The following E2F1 variants were observed in gnomAD, a reference collection of about 807,000 sequenced individuals.
The protein encoded by E2F1 is E2F transcription factor 1, also known as transcription factor E2F1.
In E2F1, 7 loss-of-function variants were observed where a neutral mutation model predicts 36.9. The observed-to-expected ratio is 0.19, with a 90% CI of 0.11 to 0.36. The LOEUF (loss-of-function observed/expected upper bound fraction) is 0.36. Among genes scored for constraint, E2F1 ranks in the 10% least tolerant of loss-of-function variants. The pLI is 1.00. For synonymous variants in E2F1, 261 were observed against 263.1 expected, an observed-to-expected ratio of 0.99 and a Z score of 0.08; for missense variants, 406 against 573.6, an observed-to-expected ratio of 0.71 and a Z score of 2.99.
In E2F1 at chr20:33,676,489, C is replaced by T; in HGVS notation, c.*243G>A. The stretch of plus-strand genomic sequence containing the variant: ...ACACACATGCTCACACACATTCACC[C>T]CCGGTACACACGTGTGGGTGTAGGC... On this transcript the variant is annotated 3_prime_UTR_variant, in exon 7 of 7. Coordinates refer to ENST00000343380, the MANE Select transcript of E2F1 (RefSeq NM_005225.3). 2.0e-6 allele frequency: 1 copy of T among 512,242 alleles called. No individual in the cohort carries two copies. The highest frequency in any genetic ancestry group is 3.3e-5 in the East Asian group (1 of 30,382). 31.7% of individuals were successfully genotyped at this position (512,242 alleles called of 1,614,324 possible).
At chr20:33,678,864 C>G (rs1485020109) in intron 3 of E2F1, among the ~76,000 whole-genome samples, 1 of 152,054 alleles carries the variant, frequency 6.6e-6, no homozygotes, top group African/African-American at 2.4e-5. Context: ...GAGCTTGAGC[C>G]CAGGAGGTTG....
At position 33,679,835 on chromosome 20, in the gene E2F1, C is replaced by T. The variant is rs201315516; in HGVS notation, c.492G>A (p.Lys164=). Reference sequence around the variant, plus strand: ...CGTTGGTGATGTCATAGATGCGCCGCTTCTGCACCTTCAGCACCTCGGCAG... The same window carrying T: ...CGTTGGTGATGTCATAGATGCGCCGTTTCTGCACCTTCAGCACCTCGGCAG... ...NWAAEVLKVQ[K]RRIYDITNVL... Residue 164 remains lysine, a synonymous_variant, in exon 3 of 7, where the codon AAG becomes AAA. Transcript: ENST00000343380. The surrounding 1 kb of genome is among the most constrained non-coding windows in gnomAD (Gnocchi z 4.6). 4 of 1,614,248 alleles carry T rather than the reference C, an allele frequency of 2.5e-6. No individual in the cohort carries two copies. Among genetic ancestry groups the T allele is most frequent in the Admixed American group, 3.3e-5 (2 of 60,026 alleles).
chr20:33,679,657 T>C lies in E2F1; in HGVS notation c.572+98A>G. On this transcript the variant is annotated intron_variant, in intron 3 of 6. Coordinates refer to ENST00000343380, the MANE Select transcript of E2F1 (RefSeq NM_005225.3). The surrounding 1 kb of genome is among the most constrained non-coding windows in gnomAD (Gnocchi z 4.6). ...CTCTCTGAGCCCGTTTCCCCAGCTA[T>C]AAGATGGGGATGCAGGCAGCCACAG... 5 of 1,112,206 alleles carry C rather than the reference T, an allele frequency of 4.5e-6. No individual in the cohort carries two copies. In the South Asian group the frequency reaches 5.1e-5, roughly 11 times the overall value. The allele number at this position is 1,112,206 out of a possible 1,614,324, so 68.9% of individuals were successfully genotyped here. A position where few individuals can be genotyped will look rare whatever the true frequency, so the allele number is the denominator to read the frequency against.
Position 33,678,358 on chromosome 20 carries a change from G to C in E2F1, c.573-5C>G, listed in dbSNP as rs371030754. ...CCCACTGTGGTGTGGCTGCCCCTGT[G>C]GGGAGGCACCAGGGAGGGTAGGGTT... On this transcript the variant is annotated splice_region_variant and splice_polypyrimidine_tract_variant and intron_variant, in intron 3 of 6. Transcript: ENST00000343380. The C allele has an allele frequency of 6.8e-6, 11 of 1,611,622 alleles. No individual in the cohort carries two copies. Among genetic ancestry groups the C allele is most frequent in the African/African-American group, 6.7e-5 (5 of 74,882 alleles).
chr20:33,677,700 T>C (rs1344133015), intron 4 of E2F1, among the ~76,000 whole-genome samples, 160 bp from the exon 5 acceptor site: 2 of 152,180 alleles, frequency 1.3e-5, no homozygotes, highest in African/African-American at 4.8e-5. Flanking sequence ...TCCACATCTG[T>C]ATAATGAAAT....
Position 33,685,995 on chromosome 20 carries a change from G to A in E2F1, c.261+9C>T, listed in dbSNP as rs1272359745. ...GGCGCTGTCGGCGCGGCGTCCCTGG[G>A]GTCCGTACCGGCGGGCGGCCGAGCG... On this transcript the variant is annotated intron_variant, in intron 1 of 6. Transcript: ENST00000343380. The A allele has an allele frequency of 9.7e-6, 11 of 1,130,196 alleles. No homozygotes were observed. The South Asian group carries it at 4.3e-4, about 44-fold the overall frequency. 70.0% of individuals were successfully genotyped at this position (1,130,196 alleles called of 1,614,324 possible).
Position 33,679,721 on chromosome 20 carries a change from G to C in E2F1, c.572+34C>G, listed in dbSNP as rs777413332. On this transcript the variant is annotated intron_variant, in intron 3 of 6. Coordinates refer to ENST00000343380, the MANE Select transcript of E2F1 (RefSeq NM_005225.3). The surrounding 1 kb of genome is among the most constrained non-coding windows in gnomAD (Gnocchi z 4.6). ...CAGCTCCTCCAGGCTGGCATGGGCA[G>C]GTGTGCCTGCCCTCCTGTGTGGCCG... 4 of 1,602,210 alleles carry C rather than the reference G, an allele frequency of 2.5e-6. No homozygotes were observed. In the East Asian group the frequency reaches 6.7e-5, roughly 27 times the overall value.
Position 33,678,254 on chromosome 20 carries a change from C to T in E2F1, c.672G>A (p.Met224Ile), listed in dbSNP as rs199745489. 102 of 1,613,668 alleles carry T rather than the reference C, an allele frequency of 6.3e-5. No individual in the cohort carries two copies. Among genetic ancestry groups the T allele is most frequent in the Middle Eastern group, 5.2e-4 (3 of 5,756 alleles). The change falls in exon 4 of 7, where the codon ATG (methionine) becomes ATA (isoleucine). Residue 224 changes from methionine (M) to isoleucine (I), a missense_variant. By Grantham distance (10) the Met-to-Ile change is conservative. Coordinates refer to ENST00000343380, the MANE Select transcript of E2F1 (RefSeq NM_005225.3). ...QESEQQLDHL[M>I]NICTTQLRLL... is the part of the protein sequence containing the mutation. ...GGCGCAGCTGCGTAGTACAGATATTCATCAGGTGGTCCAGCTGCTGCTCGC... is the reference window on the plus strand; with the variant it reads ...GGCGCAGCTGCGTAGTACAGATATTTATCAGGTGGTCCAGCTGCTGCTCGC...
intron 4 of E2F1, among the ~76,000 whole-genome samples, chr20:33,677,855 C>T (rs1037267014): frequency 2.0e-5 from 3 of 152,166 alleles, no homozygotes; most frequent in African/African-American, 7.2e-5. Context: ...AGTGATGTGG[C>T]TCAACCAGAG....
chr20:33,683,036 T>C (rs2122550311), intron 1 of E2F1, among the ~76,000 whole-genome samples: 1 of 152,174 alleles, frequency 6.6e-6, no homozygotes, highest in East Asian at 1.9e-4. Flanking sequence ...AAAACTACAA[T>C]TTTTAAAACT....
Position 33,676,791 on chromosome 20 carries a change from C to T in E2F1, c.1255G>A (p.Glu419Lys), listed in dbSNP as rs1465634263. ...LDYHFGLEEGEGIRDLFDCDF... is the reference protein window; with the variant it reads ...LDYHFGLEEGKGIRDLFDCDF... ...CAGTCGAAGAGGTCTCTGATGCCCT[C>T]GCCCTCCTCGAGGCCGAAGTGGTAG... The change falls in exon 7 of 7, where the codon GAG becomes AAG. Residue 419 changes from glutamate to lysine, a missense_variant. Coordinates refer to ENST00000343380, the MANE Select transcript of E2F1 (RefSeq NM_005225.3). The T allele has an allele frequency of 1.2e-6, 2 of 1,604,682 alleles. No individual in the cohort carries two copies. The highest frequency in any genetic ancestry group is 1.7e-6 in the Non-Finnish European group (2 of 1,175,492).
Position 33,679,938 on chromosome 20 carries a change from G to T in E2F1, c.389C>A (p.Thr130Asn). 1 of 1,614,218 alleles carries T rather than the reference G, an allele frequency of 6.2e-7. No homozygotes were observed. Among genetic ancestry groups the T allele is most frequent in the Non-Finnish European group, 8.5e-7 (1 of 1,180,024 alleles). ...KSPGEKSRYE[T>N]SLNLTTKRFL... Reference sequence around the variant, plus strand: ...GCGCTTGGTGGTCAGATTCAGTGAGGTCTCATAGCGTGACTTCTCCCCCGG... The same window carrying T: ...GCGCTTGGTGGTCAGATTCAGTGAGTTCTCATAGCGTGACTTCTCCCCCGG... The change falls in exon 3 of 7, where the codon ACC becomes AAC. Residue 130 changes from threonine (T) to asparagine (N), a missense_variant. Physicochemically the swap from Thr to Asn is moderately conservative, Grantham distance 65 (BLOSUM62 0). Transcript: ENST00000343380. The surrounding 1 kb of genome is among the most constrained non-coding windows in gnomAD (Gnocchi z 4.6).
At chr20:33,685,393 G>A (rs772882541) in intron 1 of E2F1, among the ~76,000 whole-genome samples, 16 of 152,094 alleles carry the variant, frequency 1.1e-4, no homozygotes, top group Non-Finnish European at 1.9e-4. Context: ...GCCTGCACCT[G>A]GCAGTCAGCA....
intron 1 of E2F1, among the ~76,000 whole-genome samples, chr20:33,682,285 C>G (rs1035237313): frequency 2.0e-5 from 3 of 152,088 alleles, no homozygotes; most frequent in Admixed American, 6.5e-5. Context: ...TTGAAGGCAC[C>G]CAGGGGAAAG....
At chr20:33,685,765 G>C (rs2018061706) in intron 1 of E2F1, among the ~76,000 whole-genome samples, 3 of 152,210 alleles carry the variant, frequency 2.0e-5, no homozygotes, top group Non-Finnish European at 4.4e-5. Context: ...CGCTGGGGAG[G>C]CTCCGGTGAG....
chr20:33,683,666 G>A (rs530345898), intron 1 of E2F1, among the ~76,000 whole-genome samples: 10 of 151,934 alleles, frequency 6.6e-5, no homozygotes, highest in South Asian at 2.1e-4. Context: ...CCAGCTACTC[G>A]GGAGGCTGAG....
intron 1 of E2F1, among the ~76,000 whole-genome samples, chr20:33,685,529 C>A (rs1404138531): frequency 6.6e-6 from 1 of 152,174 alleles, no homozygotes; most frequent in Non-Finnish European, 1.5e-5. Flanking sequence ...TGAGCTGAAG[C>A]CAGCAGGCCT....
At chr20:33,683,720 C>T (rs944299847) in intron 1 of E2F1, among the ~76,000 whole-genome samples, 2 of 151,852 alleles carry the variant, frequency 1.3e-5, no homozygotes, top group African/African-American at 2.4e-5. Flanking sequence ...TGCAGTGAGC[C>T]GCAATCACGC....
Position 33,686,220 on chromosome 20 carries a change from C to G in E2F1, c.45G>C (p.Ala15=), listed in dbSNP as rs2018068323. ...CGCCGGCCCCGAGCAGGGCCTCCAG[C>G]GCCGGCGCGCATGGGCCGCCCGCAG... ...GAPAGGPCAP[A]LEALLGAGAL... The change falls in exon 1 of 7, where the codon GCG becomes GCC. Residue 15 remains alanine (A), a synonymous_variant. Transcript: ENST00000343380. 2 of 1,029,168 alleles carry G rather than the reference C, an allele frequency of 1.9e-6. No individual in the cohort carries two copies. The highest frequency in any genetic ancestry group is 5.8e-5 in the Admixed American group (1 of 17,318). The allele number at this position is 1,029,168 out of a possible 1,614,324, so 63.8% of individuals were successfully genotyped here.
Sources: gnomAD v4.1 joint callset for allele counts (sites outside exome capture counted in the v4.1 genomes callset) on GRCh38, gnomAD v4.1.1 for gene constraint, Gnocchi (gnomAD v3.1) non-coding constraint, MANE v1.5 for transcripts, NCBI Gene and HGNC (gene_info 2026-07-23, HGNC 2026-07-21) for gene names.